Variants in RIMS2 observed in about 807,000 individuals in gnomAD.
The protein encoded by RIMS2 is regulating synaptic membrane exocytosis 2, also known as regulating synaptic membrane exocytosis protein 2.
A neutral mutation model predicts 174.4 loss-of-function variants in RIMS2; 59 were observed. The ratio of observed to expected loss-of-function variants is 0.34; its 90% CI spans 0.27 to 0.42. RIMS2 has a LOEUF of 0.42. RIMS2 is among the 10% of genes least tolerant of loss of function. The probability of loss-of-function intolerance (pLI) is 1.00; values close to 1 mark genes in which losing one functional copy is unlikely to be tolerated. For synonymous variants in RIMS2, 606 were observed against 572.5 expected (o/e 1.06, Z -0.84); for missense variants, 1,620 against 1,666.3 (o/e 0.97, Z 0.48).
At chr8:103,878,224 C>T (rs2099150669) in intron 3 of RIMS2, among the ~76,000 whole-genome samples, 2 of 151,870 alleles carry the variant, frequency 1.3e-5, no homozygotes, top group Admixed American at 1.3e-4. Flanking sequence ...GAGGCCTCCA[C>T]AGCCATGCAG....
At chr8:103,717,842 TATCCA>T (rs1001750736) in intron 2 of RIMS2, among the ~76,000 whole-genome samples, 1 of 152,206 alleles carries the variant, frequency 6.6e-6, no homozygotes, top group African/African-American at 2.4e-5. Flanking sequence ...ACATCTTCAC[TATCCA>T]ATTCAGTAGG....
intron 19 of RIMS2, among the ~76,000 whole-genome samples, chr8:104,211,152 G>C (rs1387305322): frequency 1.3e-5 from 2 of 152,138 alleles, no homozygotes; most frequent in Non-Finnish European, 2.9e-5. Flanking sequence ...GTGCAGCAGG[G>C]AATAAAACAG....
intron 2 of RIMS2, among the ~76,000 whole-genome samples, chr8:103,730,938 C>T (rs1048985695): frequency 3.3e-5 from 5 of 152,168 alleles, no homozygotes; most frequent in South Asian, 2.1e-4. Context: ...CACAGTTCCA[C>T]GTGGGTGGGA....
At chr8:103,577,681 T>C (rs2093345766) in intron 1 of RIMS2, among the ~76,000 whole-genome samples, 1 of 152,174 alleles carries the variant, frequency 6.6e-6, no homozygotes, top group East Asian at 1.9e-4. Context: ...ATTTACACAA[T>C]ATGAATGAAA....
intron 3 of RIMS2, among the ~76,000 whole-genome samples, chr8:103,771,375 T>A (rs1190004421): frequency 6.6e-6 from 1 of 152,162 alleles, no homozygotes; most frequent in Non-Finnish European, 1.5e-5. Flanking sequence ...TTTCTTACAT[T>A]TGAAATTATT....
chr8:104,086,576 C>T (rs935921492), intron 19 of RIMS2, among the ~76,000 whole-genome samples: 4 of 152,040 alleles, frequency 2.6e-5, no homozygotes, highest in African/African-American at 9.7e-5. Flanking sequence ...AATTCTTCCT[C>T]TGTAAATTAT....
chr8:103,966,635 A>G (rs2091896825), intron 15 of RIMS2, among the ~76,000 whole-genome samples: 1 of 151,886 alleles, frequency 6.6e-6, no homozygotes. Context: ...TAATTCTACT[A>G]TTTATTTTGT....
At chr8:103,788,051 A>C (rs1297636266) in intron 3 of RIMS2, among the ~76,000 whole-genome samples, 1 of 150,740 alleles carries the variant, frequency 6.6e-6, no homozygotes, top group African/African-American at 2.4e-5. Flanking sequence ...CCTTTCTTCC[A>C]GTTGATCGCA....
chr8:103,996,560 T>C (rs2095113278), intron 17 of RIMS2, among the ~76,000 whole-genome samples: 1 of 151,938 alleles, frequency 6.6e-6, no homozygotes, highest in Non-Finnish European at 1.5e-5. Context: ...GAAATGAATC[T>C]TGGGAAAATC....
At chr8:104,109,267 A>C (rs2098133353) in intron 19 of RIMS2, among the ~76,000 whole-genome samples, 1 of 146,044 alleles carries the variant, frequency 6.8e-6, no homozygotes, top group African/African-American at 2.6e-5. Flanking sequence ...ATTGCACTCC[A>C]GCCTGGGCGA....
At chr8:103,852,533 G>GT (rs1276023155) in intron 3 of RIMS2, among the ~76,000 whole-genome samples, 1 of 151,532 alleles carries the variant, frequency 6.6e-6, no homozygotes, top group Non-Finnish European at 1.5e-5. Flanking sequence ...CTAATAGGTA[G>GT]TTTTTTGACC....
chr8:103,950,088 T>C (rs2084952082), intron 14 of RIMS2, among the ~76,000 whole-genome samples: 1 of 152,078 alleles, frequency 6.6e-6, no homozygotes, highest in Non-Finnish European at 1.5e-5. Flanking sequence ...AAGAAATAAC[T>C]TGAGTAGCCC....
At chr8:103,808,740 G>A (rs1475350856) in intron 3 of RIMS2, among the ~76,000 whole-genome samples, 2 of 152,060 alleles carry the variant, frequency 1.3e-5, no homozygotes, top group Non-Finnish European at 2.9e-5. Context: ...AAGTCCTGTT[G>A]ATTCGACTTC....
chr8:103,992,207 C>T (rs369704864), intron 17 of RIMS2, among the ~76,000 whole-genome samples: 1 of 151,328 alleles, frequency 6.6e-6, no homozygotes, highest in Admixed American at 6.6e-5. Flanking sequence ...CTCCCAGGTT[C>T]AAGCGATTCT....
At chr8:103,763,005 T>C (rs1332332680) in intron 2 of RIMS2, among the ~76,000 whole-genome samples, 2 of 152,298 alleles carry the variant, frequency 1.3e-5, no homozygotes, top group East Asian at 3.9e-4. Flanking sequence ...GACTGAACTA[T>C]TGTTATGCAG....
chr8:104,043,599 GA>G (rs1282907230), intron 19 of RIMS2, among the ~76,000 whole-genome samples: 1 of 151,596 alleles, frequency 6.6e-6, no homozygotes, highest in East Asian at 1.9e-4. Context: ...CATGAATTGG[GA>G]GATAAGGTCT....
rs547096718 is a variant in RIMS2 at position 103,929,390 on chromosome 8, G to A, written c.2244+1501G>A. ...TGGTGGAGATGGCAACAAGTACTTA[G>A]TTTAACCCCCCAAAAGGTTCTCATA... is the stretch of plus-strand genomic sequence containing the variant. On this transcript the variant is annotated intron_variant, in intron 11 of 23. Coordinates refer to ENST00000504942, the Ensembl canonical transcript of RIMS2. 2.1e-3 allele frequency among the ~76,000 whole-genome samples: 317 copies of A among 151,824 alleles called. 2 individuals are homozygous for A. The highest frequency in any genetic ancestry group is 4.0e-3 in the Non-Finnish European group (271 of 67,708).
chr8:103,578,037 A>C (rs182109493), intron 1 of RIMS2, among the ~76,000 whole-genome samples: 1 of 152,346 alleles, frequency 6.6e-6, no homozygotes, highest in East Asian at 1.9e-4. Flanking sequence ...ATTGAGCAAG[A>C]ACAAGGAGTG....
At chr8:104,005,920 A>G (rs1330243978) in intron 17 of RIMS2, among the ~76,000 whole-genome samples, 1 of 151,880 alleles carries the variant, frequency 6.6e-6, no homozygotes, top group South Asian at 2.1e-4. Flanking sequence ...TAGAACATAG[A>G]CTATGTTCTA....
Sources: allele counts gnomAD v4.1 joint callset (sites outside exome capture counted in the v4.1 genomes callset), GRCh38; gene constraint gnomAD v4.1.1; transcripts MANE v1.5; gene names NCBI Gene and HGNC (gene_info 2026-07-23, HGNC 2026-07-21).